Variants in RORB observed in about 807,000 individuals in gnomAD.
RORB encodes nuclear receptor ROR-beta.
A neutral mutation model predicts 59.1 loss-of-function variants in RORB; 6 were observed. The ratio of observed to expected loss-of-function variants is 0.10; its 90% CI spans 0.06 to 0.20. RORB has a LOEUF of 0.20. Among genes scored for constraint, RORB ranks in the 10% least tolerant of loss-of-function variants. RORB has a pLI of 1.00. For missense variants in RORB, 320 were observed against 560.5 expected, an observed-to-expected ratio of 0.57 and a Z score of 4.33; for synonymous variants, 215 against 204.5, an observed-to-expected ratio of 1.05 and a Z score of -0.44.
chr9:74,642,598 T>G lies in RORB; in HGVS notation c.420T>G (p.Thr140=). The change falls in exon 4 of 10, where the codon ACT becomes ACG. Residue 140 remains threonine (T), a synonymous_variant. Coordinates refer to ENST00000376896, the MANE Select transcript of RORB (RefSeq NM_006914.4). ...ACCTGAACAACGAGACCAGCGGCAC[T>G]TATGCCAACGGGCACGTCATTGACC... ...LSNLNNETSG[T]YANGHVIDLP... is the part of the protein sequence containing the mutation. 1 of 1,614,210 alleles carries G rather than the reference T, an allele frequency of 6.2e-7. No homozygotes were observed. Among genetic ancestry groups the G allele is most frequent in the African/African-American group, 1.3e-5 (1 of 75,054 alleles).
intron 6 of RORB, among the ~76,000 whole-genome samples, chr9:74,664,067 TA>T (rs1195415520): frequency 6.6e-6 from 1 of 152,208 alleles, no homozygotes; most frequent in Admixed American, 6.5e-5. Context: ...GGATGGAAGA[TA>T]TTTTTTCTGA....
At chr9:74,638,506 A>T (rs1211930478) in intron 3 of RORB, among the ~76,000 whole-genome samples, 1 of 152,180 alleles carries the variant, frequency 6.6e-6, no homozygotes, top group African/African-American at 2.4e-5. Flanking sequence ...GTTTAACAAA[A>T]GGCTGTCTTT....
intron 1 of RORB, among the ~76,000 whole-genome samples, chr9:74,567,727 C>T (rs945073646): frequency 1.3e-5 from 2 of 152,144 alleles, no homozygotes; most frequent in African/African-American, 4.8e-5. Flanking sequence ...GAAAATGGTA[C>T]CACTTATGAA....
At chr9:74,579,840 C>T (rs1167911094) in intron 1 of RORB, among the ~76,000 whole-genome samples, 6 of 152,132 alleles carry the variant, frequency 3.9e-5, no homozygotes, top group African/African-American at 1.4e-4. Context: ...AGAGCAAGAG[C>T]GGTGTTTCAG....
At chr9:74,524,517 G>A (rs1020649472) in intron 1 of RORB, among the ~76,000 whole-genome samples, 3 of 151,978 alleles carry the variant, frequency 2.0e-5, no homozygotes, top group East Asian at 2.0e-4. Flanking sequence ...TACAAGATGA[G>A]CTGTTGATTT....
intron 2 of RORB, among the ~76,000 whole-genome samples, chr9:74,634,372 A>G (rs911199891): frequency 9.9e-5 from 15 of 152,162 alleles, no homozygotes; most frequent in African/African-American, 3.4e-4. Flanking sequence ...CACAGCTGCA[A>G]ATGTCTTTAG....
chr9:74,527,856 C>G (rs752650824), intron 1 of RORB, among the ~76,000 whole-genome samples: 18 of 151,952 alleles, frequency 1.2e-4, no homozygotes, highest in Non-Finnish European at 2.1e-4. Flanking sequence ...GTGTATCTCA[C>G]CAGCAGCGTG....
chr9:74,665,972 T>A (rs1454798914), intron 7 of RORB, among the ~76,000 whole-genome samples: 3 of 152,098 alleles, frequency 2.0e-5, no homozygotes, highest in African/African-American at 4.8e-5. Flanking sequence ...CCAAACCCCA[T>A]CTCTACAAAA....
intron 1 of RORB, among the ~76,000 whole-genome samples, chr9:74,544,375 A>G (rs1826457818): frequency 6.6e-6 from 1 of 152,226 alleles, no homozygotes; most frequent in South Asian, 2.1e-4. Flanking sequence ...ACAATTCAAT[A>G]CTGTAAATGG....
intron 1 of RORB, among the ~76,000 whole-genome samples, chr9:74,627,098 G>A (rs763027556): frequency 2.1e-4 from 31 of 149,748 alleles, no homozygotes; most frequent in African/African-American, 4.9e-5. Flanking sequence ...GGAGGCGGAG[G>A]TTGCAGTGAG....
rs373213835 is a variant in RORB at position 74,685,806 on chromosome 9, G to C, written c.*188G>C. 7.8e-5 allele frequency: 31 copies of C among 395,444 alleles called. No individual in the cohort carries two copies. Among genetic ancestry groups the C allele is most frequent in the African/African-American group, 5.5e-4 (27 of 48,690 alleles). 24.5% of individuals were successfully genotyped at this position (395,444 alleles called of 1,614,324 possible). A position where few individuals can be genotyped will look rare whatever the true frequency, so the allele number is the denominator to read the frequency against. On this transcript the variant is annotated 3_prime_UTR_variant, in exon 10 of 10. Transcript: ENST00000376896. ...GCACCTGAGTGGGGCTCTTTTATTT[G>C]TTTGTTTGTTTTTGAAATGACCATA...
At chr9:74,582,486 C>T (rs1212656350) in intron 1 of RORB, among the ~76,000 whole-genome samples, 2 of 152,170 alleles carry the variant, frequency 1.3e-5, no homozygotes, top group East Asian at 3.9e-4. Context: ...TGAAGAGAAC[C>T]TTACAGAGGT....
At chr9:74,650,707 G>T (rs554083761) in intron 4 of RORB, among the ~76,000 whole-genome samples, 14 of 152,268 alleles carry the variant, frequency 9.2e-5, no homozygotes, top group Admixed American at 3.3e-4. Context: ...TTGGTTTTCA[G>T]CAAGATTTGT....
At chr9:74,501,650 G>A (rs1825805083) in intron 1 of RORB, among the ~76,000 whole-genome samples, 1 of 152,044 alleles carries the variant, frequency 6.6e-6, no homozygotes, top group Non-Finnish European at 1.5e-5. Flanking sequence ...ATAGCCATAA[G>A]AATAAAAATA....
At chr9:74,591,596 A>C (rs931226698) in intron 1 of RORB, among the ~76,000 whole-genome samples, 1 of 152,130 alleles carries the variant, frequency 6.6e-6, no homozygotes, top group Admixed American at 6.5e-5. Flanking sequence ...CTGATTATTT[A>C]TTTTACTGCC....
At position 74,642,461 on chromosome 9, in the gene RORB, G is replaced by A. The variant is rs1257697149; in HGVS notation, c.283G>A (p.Ala95Thr). 6.2e-7 allele frequency: 1 copy of A among 1,614,164 alleles called. No individual in the cohort carries two copies. The highest frequency in any genetic ancestry group is 8.5e-7 in the Non-Finnish European group (1 of 1,180,018). ...MSKKQRDSLY[A>T]EVQKHQQRLQ... is the part of the protein sequence containing the mutation. ...CAAGAAGCAAAGGGACAGCCTGTATGCTGAGGTGCAGAAGCACCAGCAGCG... is the reference window on the plus strand; with the variant it reads ...CAAGAAGCAAAGGGACAGCCTGTATACTGAGGTGCAGAAGCACCAGCAGCG... Residue 95 changes from alanine (A) to threonine (T), a missense_variant, in exon 4 of 10, where the codon GCT becomes ACT. Coordinates refer to ENST00000376896, the MANE Select transcript of RORB (RefSeq NM_006914.4).
intron 7 of RORB, 94 bp from the exon 8 acceptor site, chr9:74,667,697 C>A: frequency 1.3e-6 from 1 of 755,824 alleles, no homozygotes; most frequent in Non-Finnish European, 2.4e-6. Flanking sequence ...TAGTATGCAC[C>A]TCCTTGGATA....
At chr9:74,675,035 A>G (rs1001661248) in intron 9 of RORB, among the ~76,000 whole-genome samples, 8 of 150,716 alleles carry the variant, frequency 5.3e-5, no homozygotes, top group Admixed American at 2.6e-4. Context: ...TGTTGTTGAC[A>G]GAAAAAAAAA....
chr9:74,501,092 G>A (rs1184362844), intron 1 of RORB, among the ~76,000 whole-genome samples: 1 of 152,128 alleles, frequency 6.6e-6, no homozygotes, highest in Non-Finnish European at 1.5e-5. Context: ...TTATTACACA[G>A]GGGCGCGGAA....
Sources: allele counts gnomAD v4.1 joint callset (sites outside exome capture counted in the v4.1 genomes callset), GRCh38; gene constraint gnomAD v4.1.1; transcripts MANE v1.5; gene names NCBI Gene and HGNC (gene_info 2026-07-23, HGNC 2026-07-21).